ADCY2: variants seen among roughly 807,000 people sequenced by gnomAD.
ADCY2 encodes adenylate cyclase type 2.
In ADCY2, 31 loss-of-function variants were observed where a neutral mutation model predicts 125.2. The ratio of observed to expected loss-of-function variants is 0.25; its 90% CI spans 0.19 to 0.33. The LOEUF (loss-of-function observed/expected upper bound fraction) is 0.33, where lower values mean the gene tolerates loss of function less well. Ranked by LOEUF, ADCY2 falls within the 10% of genes least tolerant of loss-of-function variation. ADCY2 has a pLI of 1.00. For synonymous variants in ADCY2, 512 were observed against 548.4 expected, an observed-to-expected ratio of 0.93 and a Z score of 0.93; for missense variants, 904 against 1,418.2, an observed-to-expected ratio of 0.64 and a Z score of 5.82.
intron 3 of ADCY2, among the ~76,000 whole-genome samples, chr5:7,527,622 A>G (rs1561075418): frequency 6.6e-6 from 1 of 152,236 alleles, no homozygotes; most frequent in Non-Finnish European, 1.5e-5. Flanking sequence ...TATTGATTTT[A>G]TAACAGGATT....
intron 4 of ADCY2, among the ~76,000 whole-genome samples, chr5:7,627,459 G>C (rs1302451007): frequency 6.6e-6 from 1 of 152,176 alleles, no homozygotes. Context: ...GTGAACAGCT[G>C]TGTGTTCCTG....
chr5:7,466,616 C>T (rs1742127412), intron 2 of ADCY2, among the ~76,000 whole-genome samples: 1 of 152,144 alleles, frequency 6.6e-6, no homozygotes, highest in Admixed American at 6.5e-5. Flanking sequence ...GTGAAAACAC[C>T]ACAGTCCCCC....
chr5:7,535,937 G>C (rs147781818), intron 3 of ADCY2, among the ~76,000 whole-genome samples: 1 of 152,218 alleles, frequency 6.6e-6, no homozygotes, highest in East Asian at 1.9e-4. Flanking sequence ...TAACCAGTCA[G>C]AGAAGGTCGC....
chr5:7,451,189 C>T (rs908814190), intron 2 of ADCY2, among the ~76,000 whole-genome samples: 3 of 152,186 alleles, frequency 2.0e-5, no homozygotes, highest in African/African-American at 2.4e-5. Flanking sequence ...GACAAGGATT[C>T]TTCTGTTGGA....
At chr5:7,696,827 C>T (rs1740910338) in intron 6 of ADCY2, among the ~76,000 whole-genome samples, 1 of 152,196 alleles carries the variant, frequency 6.6e-6, no homozygotes, top group Non-Finnish European at 1.5e-5. Flanking sequence ...TGACAACTCT[C>T]ACTGGAGATT....
At chr5:7,700,628 A>G (rs2126334950) in intron 7 of ADCY2, among the ~76,000 whole-genome samples, 1 of 151,836 alleles carries the variant, frequency 6.6e-6, no homozygotes, top group East Asian at 1.9e-4. Context: ...TGTGTTGGTC[A>G]TATGCTGAAG....
At chr5:7,789,583 C>T in intron 19 of ADCY2, 59 bp from the exon 20 acceptor site, 1 of 1,507,226 alleles carries the variant, frequency 6.6e-7, no homozygotes, top group Non-Finnish European at 9.0e-7. Context: ...TTAAAACCTC[C>T]ACTCTCTGGC....
intron 20 of ADCY2, chr5:7,800,080 A>G (rs140958765): frequency 6.6e-6 from 1 of 152,332 alleles, no homozygotes; most frequent in Non-Finnish European, 1.5e-5. Flanking sequence ...TAGTATTTAC[A>G]CGGGTGGATT....
chr5:7,674,144 C>T (rs1419225664), intron 4 of ADCY2, among the ~76,000 whole-genome samples: 1 of 152,192 alleles, frequency 6.6e-6, no homozygotes, highest in Non-Finnish European at 1.5e-5. Flanking sequence ...TCCTGGCCCC[C>T]ACGGCATCAC....
At chr5:7,399,822 G>C (rs951311559) in intron 1 of ADCY2, among the ~76,000 whole-genome samples, 1 of 152,164 alleles carries the variant, frequency 6.6e-6, no homozygotes, top group African/African-American at 2.4e-5. Context: ...ATAATGCTGG[G>C]CATGGGGAAC....
At chr5:7,407,053 G>A (rs762599156) in intron 1 of ADCY2, among the ~76,000 whole-genome samples, 1 of 152,130 alleles carries the variant, frequency 6.6e-6, no homozygotes, top group Non-Finnish European at 1.5e-5. Context: ...TTATCCATTT[G>A]GTTTTCAACA....
At chr5:7,521,258 A>G (rs981784562) in intron 3 of ADCY2, among the ~76,000 whole-genome samples, 3 of 152,196 alleles carry the variant, frequency 2.0e-5, no homozygotes, top group Non-Finnish European at 4.4e-5. Context: ...GATTAATTTC[A>G]TAGTTTGTTC....
Position 7,709,061 on chromosome 5 carries a change from C to G in ADCY2, c.1402-150C>G. The G allele has an allele frequency of 1.5e-6, 1 of 661,332 alleles. No homozygotes were observed. The highest frequency in any genetic ancestry group is 3.3e-5 in the East Asian group (1 of 30,430). The allele number at this position is 661,332 out of a possible 1,614,324, so 41.0% of individuals were successfully genotyped here. A position where few individuals can be genotyped will look rare whatever the true frequency, so the allele number is the denominator to read the frequency against. On this transcript the variant is annotated intron_variant, in intron 9 of 24. Coordinates refer to ENST00000338316, the MANE Select transcript of ADCY2 (RefSeq NM_020546.3). The surrounding 1 kb of genome is among the most constrained non-coding windows in gnomAD (Gnocchi z 4.4). ...CCCTCAACTCAAATAGTGTGTTCCC[C>G]AGTAACACTGAAGGAATAAGGACAG...
intron 2 of ADCY2, among the ~76,000 whole-genome samples, chr5:7,451,132 A>G (rs761570301): frequency 2.6e-5 from 4 of 152,226 alleles, no homozygotes; most frequent in Non-Finnish European, 4.4e-5. Context: ...TCAACTTTCA[A>G]GTCTTATTAC....
At chr5:7,522,815 A>T (rs1744502145) in intron 3 of ADCY2, among the ~76,000 whole-genome samples, 1 of 149,894 alleles carries the variant, frequency 6.7e-6, no homozygotes, top group South Asian at 2.1e-4. Flanking sequence ...AGTCCCAGCT[A>T]CTCGGGAGTC....
intron 6 of ADCY2, among the ~76,000 whole-genome samples, chr5:7,696,185 G>A (rs1168894237): frequency 5.3e-5 from 8 of 152,086 alleles, no homozygotes; most frequent in Non-Finnish European, 1.2e-4. Context: ...TTATTTTAAG[G>A]TGCTCTTTTA....
At chr5:7,672,672 T>G (rs1195532395) in intron 4 of ADCY2, among the ~76,000 whole-genome samples, 1 of 152,212 alleles carries the variant, frequency 6.6e-6, no homozygotes, top group African/African-American at 2.4e-5. Flanking sequence ...GCTGATGTTT[T>G]AAAAACTAAA....
At chr5:7,530,789 G>A (rs919484751) in intron 3 of ADCY2, among the ~76,000 whole-genome samples, 3 of 151,858 alleles carry the variant, frequency 2.0e-5, no homozygotes, top group African/African-American at 7.3e-5. Flanking sequence ...CCCTGCCATG[G>A]GAGCCCCAAC....
chr5:7,486,114 TG>T (rs34267407), intron 2 of ADCY2, among the ~76,000 whole-genome samples: 8 of 152,332 alleles, frequency 5.3e-5, no homozygotes, highest in African/African-American at 1.7e-4. Flanking sequence ...AATGAGTTCC[TG>T]GGGAAACTTT....
Sources: gnomAD v4.1 joint callset for allele counts (sites outside exome capture counted in the v4.1 genomes callset) on GRCh38, gnomAD v4.1.1 for gene constraint, Gnocchi (gnomAD v3.1) non-coding constraint, MANE v1.5 for transcripts, NCBI Gene and HGNC (gene_info 2026-07-23, HGNC 2026-07-21) for gene names.